Variants in MAGI2 observed in about 807,000 individuals in gnomAD.
MAGI2 encodes the protein membrane associated guanylate kinase, WW and PDZ domain containing 2, also known as membrane-associated guanylate kinase, WW and PDZ domain-containing protein 2.
Under a neutral mutation model 133.3 loss-of-function variants are expected in MAGI2, and 35 were observed. The observed-to-expected ratio is 0.26, with a 90% CI of 0.20 to 0.35. The LOEUF (loss-of-function observed/expected upper bound fraction) is 0.35. MAGI2 is among the 10% of genes least tolerant of loss of function. The pLI, the probability that MAGI2 is intolerant of heterozygous loss-of-function variation, is 1.00. For synonymous variants in MAGI2, 729 were observed against 710.6 expected (o/e 1.03, Z -0.41); for missense variants, 1,636 against 1,863.4 (o/e 0.88, Z 2.25).
chr7:78,463,558 C>A (rs892861644), intron 6 of MAGI2, among the ~76,000 whole-genome samples: 2 of 152,100 alleles, frequency 1.3e-5, no homozygotes, highest in South Asian at 4.1e-4. Context: ...GCCCTCATAG[C>A]AATTAAATAT....
At chr7:78,751,376 T>C (rs560437839) in intron 2 of MAGI2, among the ~76,000 whole-genome samples, 6 of 152,196 alleles carry the variant, frequency 3.9e-5, no homozygotes, top group African/African-American at 1.4e-4. Flanking sequence ...GACAAACACG[T>C]TCTTGTAATT....
intron 1 of MAGI2, among the ~76,000 whole-genome samples, chr7:79,035,864 T>G (rs769535941): frequency 3.3e-5 from 5 of 152,220 alleles, no homozygotes; most frequent in Non-Finnish European, 5.9e-5. Flanking sequence ...ATTGAGAAAG[T>G]ATACTTTTCA....
intron 7 of MAGI2, among the ~76,000 whole-genome samples, chr7:78,348,896 T>C (rs1791198519): frequency 6.6e-6 from 1 of 152,200 alleles, no homozygotes; most frequent in African/African-American, 2.4e-5. Context: ...CAAATTAGCT[T>C]TCAGCTTTTA....
At chr7:79,261,502 C>T (rs982677812) in intron 1 of MAGI2, among the ~76,000 whole-genome samples, 7 of 152,192 alleles carry the variant, frequency 4.6e-5, no homozygotes, top group Non-Finnish European at 7.3e-5. Flanking sequence ...GGACAGGCCT[C>T]ATGTGAGGGC....
Position 78,417,644 on chromosome 7 carries a change from G to A in MAGI2, c.1046-48431C>T, listed in dbSNP as rs148029451. ...GCACAATACCTAGTACATGAAAAGTGTGCTTAATAAGTGCTGAGTCATTTA... is the reference window on the plus strand; with the variant it reads ...GCACAATACCTAGTACATGAAAAGTATGCTTAATAAGTGCTGAGTCATTTA... On this transcript the variant is annotated intron_variant, in intron 6 of 21. Transcript: ENST00000354212. 1.0e-2 allele frequency among the ~76,000 whole-genome samples: 1,516 copies of A among 152,266 alleles called. 54 individuals are homozygous for A. In the East Asian group the frequency reaches 0.11, roughly 11 times the overall value.
At chr7:79,262,926 C>A (rs1834185038) in intron 1 of MAGI2, among the ~76,000 whole-genome samples, 1 of 151,988 alleles carries the variant, frequency 6.6e-6, no homozygotes, top group Non-Finnish European at 1.5e-5. Context: ...CCTATTTTTC[C>A]CTATGGTTAC....
At chr7:79,237,737 A>G (rs1832052171) in intron 1 of MAGI2, among the ~76,000 whole-genome samples, 1 of 152,166 alleles carries the variant, frequency 6.6e-6, no homozygotes, top group South Asian at 2.1e-4. Context: ...TACAAACATG[A>G]TTTTGATTGC....
intron 1 of MAGI2, among the ~76,000 whole-genome samples, chr7:79,316,412 C>T (rs377554954): frequency 5.3e-5 from 8 of 152,200 alleles, no homozygotes; most frequent in South Asian, 4.2e-4. Context: ...AGTTTCATGT[C>T]GCCCACTGAA....
chr7:78,587,042 G>T (rs765885557), intron 3 of MAGI2, among the ~76,000 whole-genome samples: 12 of 152,156 alleles, frequency 7.9e-5, no homozygotes, highest in Non-Finnish European at 1.5e-4. Context: ...GAACACGGGG[G>T]TTTTACAAAT....
intron 9 of MAGI2, among the ~76,000 whole-genome samples, chr7:78,303,539 G>A (rs965664256): frequency 6.6e-6 from 1 of 151,930 alleles, no homozygotes; most frequent in Non-Finnish European, 1.5e-5. Context: ...GAAAGCGTTG[G>A]AACTGTCTTT....
At chr7:79,028,298 T>C (rs1810186297) in intron 1 of MAGI2, among the ~76,000 whole-genome samples, 3 of 34,508 alleles carry the variant, frequency 8.7e-5, no homozygotes, top group African/African-American at 2.5e-4. Context: ...TATATGTGTG[T>C]ATATATATAT....
intron 1 of MAGI2, among the ~76,000 whole-genome samples, chr7:79,009,831 A>G (rs1807862848): frequency 6.6e-6 from 1 of 152,142 alleles, no homozygotes; most frequent in Admixed American, 6.6e-5. Context: ...AAAATTCACC[A>G]TGCTCAGGAT....
At chr7:79,134,185 G>A (rs1585009630) in intron 1 of MAGI2, among the ~76,000 whole-genome samples, 1 of 152,034 alleles carries the variant, frequency 6.6e-6, no homozygotes, top group Admixed American at 6.6e-5. Flanking sequence ...GGGTCCTCTA[G>A]GTACCTACTT....
chr7:79,353,850 C>T (rs1841844868), intron 1 of MAGI2: 1 of 201,576 alleles, frequency 5.0e-6, no homozygotes, highest in African/African-American at 2.3e-5. Flanking sequence ...GCTGGGAGCC[C>T]TGCTTATGCT....
At chr7:79,171,485 T>C (rs559407115) in intron 1 of MAGI2, among the ~76,000 whole-genome samples, 85 of 151,818 alleles carry the variant, frequency 5.6e-4, no homozygotes, top group African/African-American at 1.8e-3. Context: ...TTTGGGAGGA[T>C]GACATAATTT....
chr7:78,502,722 G>A (rs571541834), intron 4 of MAGI2, among the ~76,000 whole-genome samples: 15 of 152,180 alleles, frequency 9.9e-5, no homozygotes, highest in South Asian at 8.3e-4. Context: ...CACATCCCTC[G>A]TAGCTAAGGG....
Position 79,453,571 on chromosome 7 carries a change from G to T in MAGI2, c.-251C>A. On this transcript the variant is annotated 5_prime_UTR_variant, in exon 1 of 22. Transcript: ENST00000354212. Reference sequence around the variant, plus strand: ...GTGCTGTCCCTTGAATGACACTCAAGGCTGTGGCCCCGCAGCAGAGGAAGC... The same window carrying T: ...GTGCTGTCCCTTGAATGACACTCAATGCTGTGGCCCCGCAGCAGAGGAAGC... 1 of 1,212,306 alleles carries T rather than the reference G, an allele frequency of 8.2e-7. No individual in the cohort carries two copies. The highest frequency in any genetic ancestry group is 1.0e-6 in the Non-Finnish European group (1 of 974,756). The allele number at this position is 1,212,306 out of a possible 1,614,324, so 75.1% of individuals were successfully genotyped here.
chr7:79,152,675 A>G (rs940011499), intron 1 of MAGI2, among the ~76,000 whole-genome samples: 1 of 152,134 alleles, frequency 6.6e-6, no homozygotes, highest in Non-Finnish European at 1.5e-5. Context: ...ATGAATTTCT[A>G]TAAGATTCTG....
chr7:79,008,629 C>A (rs1261360832), intron 1 of MAGI2: 1 of 152,078 alleles, frequency 6.6e-6, no homozygotes, highest in East Asian at 1.9e-4. Context: ...GTTGGGTGTA[C>A]ATAAATATTA....
Sources: allele counts gnomAD v4.1 joint callset (sites outside exome capture counted in the v4.1 genomes callset), GRCh38; gene constraint gnomAD v4.1.1; transcripts MANE v1.5; gene names NCBI Gene and HGNC (gene_info 2026-07-23, HGNC 2026-07-21).